The following DPYS variants were observed in gnomAD, a reference collection of about 807,000 sequenced individuals.
DPYS encodes dihydropyrimidinase.
Under a neutral mutation model 50.3 loss-of-function variants are expected in DPYS, and 39 were observed. The observed-to-expected ratio is 0.78, with a 90% CI of 0.60 to 1.01. The LOEUF (loss-of-function observed/expected upper bound fraction) is 1.01, where lower values mean the gene tolerates loss of function less well. Ranked by LOEUF, DPYS falls within the 50% of genes least tolerant of loss-of-function variation. The pLI is 0.00. For synonymous variants in DPYS, 245 were observed against 250.7 expected (o/e 0.98, Z 0.22); for missense variants, 659 against 680.9 (o/e 0.97, Z 0.36).
chr8:104,386,482 A>G (rs904972503), intron 8 of DPYS, among the ~76,000 whole-genome samples: 11 of 151,304 alleles, frequency 7.3e-5, no homozygotes, highest in African/African-American at 2.7e-4. Context: ...GCAGTGAGCC[A>G]AGATCATCCC....
At chr8:104,422,657 A>AT (rs1311328280) in intron 7 of DPYS, among the ~76,000 whole-genome samples, 1 of 152,112 alleles carries the variant, frequency 6.6e-6, no homozygotes, top group African/African-American at 2.4e-5. Flanking sequence ...CAAAAACACC[A>AT]TTTTTCAGAA....
chr8:104,402,207 G>A (rs1811839957), intron 7 of DPYS, among the ~76,000 whole-genome samples: 2 of 152,300 alleles, frequency 1.3e-5, no homozygotes, highest in African/African-American at 4.8e-5. Flanking sequence ...GCCTCACACA[G>A]TACTGAGCAA....
chr8:104,443,950 C>T (rs1359798074), intron 4 of DPYS, among the ~76,000 whole-genome samples: 1 of 152,062 alleles, frequency 6.6e-6, no homozygotes, highest in African/African-American at 2.4e-5. Context: ...TTAAAAGTGG[C>T]TGCTAGTGGC....
At chr8:104,410,926 C>G (rs1812152492) in intron 7 of DPYS, among the ~76,000 whole-genome samples, 2 of 152,104 alleles carry the variant, frequency 1.3e-5, no homozygotes, top group Admixed American at 6.5e-5. Flanking sequence ...AGAGCCACCT[C>G]CAAGGATTCG....
intron 5 of DPYS, 35 bp from the exon 6 acceptor site, chr8:104,428,156 G>T (rs748143439): frequency 6.2e-7 from 1 of 1,613,682 alleles, no homozygotes; most frequent in Non-Finnish European, 8.5e-7. Context: ...GATGGGGTGA[G>T]TATACAGAAT....
intron 2 of DPYS, among the ~76,000 whole-genome samples, chr8:104,449,146 A>C (rs911902513): frequency 6.6e-6 from 1 of 152,222 alleles, no homozygotes; most frequent in African/African-American, 2.4e-5. Context: ...ACAGCAAGGG[A>C]CAGAACATGG....
At chr8:104,455,951 T>C (rs903147656) in intron 1 of DPYS, among the ~76,000 whole-genome samples, 4 of 152,216 alleles carry the variant, frequency 2.6e-5, no homozygotes, top group African/African-American at 7.2e-5. Flanking sequence ...GGCATATATA[T>C]GTACAGCCAT....
At chr8:104,412,734 A>G (rs2251371) in intron 7 of DPYS, among the ~76,000 whole-genome samples, 74,416 of 152,026 alleles carry the variant, frequency 0.49, 18,833 homozygotes, top group Middle Eastern at 0.56. Context: ...AGTGAGAGCT[A>G]GTACCTGGAC....
At chr8:104,424,965 G>T (rs535299144) in intron 6 of DPYS, among the ~76,000 whole-genome samples, 110 of 151,690 alleles carry the variant, frequency 7.3e-4, no homozygotes, top group African/African-American at 2.6e-3. Context: ...TAAGTAACTG[G>T]GATTACAGGC....
chr8:104,394,907 A>G (rs898023889), intron 7 of DPYS, among the ~76,000 whole-genome samples: 3 of 150,916 alleles, frequency 2.0e-5, no homozygotes, highest in African/African-American at 7.3e-5. Flanking sequence ...TCCACATTTT[A>G]TAGGAAAAAT....
At chr8:104,449,134 C>G (rs987511165) in intron 2 of DPYS, among the ~76,000 whole-genome samples, 1 of 152,118 alleles carries the variant, frequency 6.6e-6, no homozygotes, top group Non-Finnish European at 1.5e-5. Context: ...GGTTAAGTGA[C>G]AACAGCAAGG....
chr8:104,465,287 G>A (rs1308766590), intron 1 of DPYS, among the ~76,000 whole-genome samples: 3 of 151,874 alleles, frequency 2.0e-5, no homozygotes, highest in African/African-American at 7.3e-5. Context: ...GGGGGTAGTG[G>A]GGGGAGAAAG....
chr8:104,396,014 A>T (rs1811573077), intron 7 of DPYS, among the ~76,000 whole-genome samples: 1 of 152,220 alleles, frequency 6.6e-6, no homozygotes, highest in Non-Finnish European at 1.5e-5. Context: ...TCACTGAAAC[A>T]AGAAAATTAT....
chr8:104,385,595 G>A (rs1445039110), intron 8 of DPYS, among the ~76,000 whole-genome samples: 2 of 152,174 alleles, frequency 1.3e-5, no homozygotes, highest in African/African-American at 2.4e-5. Context: ...AGAGGCTGTT[G>A]CTGTGGTTTG....
At chr8:104,447,582 A>C (rs1364971826) in intron 2 of DPYS, 79 bp from the exon 3 acceptor site, 1 of 1,529,572 alleles carries the variant, frequency 6.5e-7, no homozygotes, top group Non-Finnish European at 9.0e-7. Flanking sequence ...AAAACGTTGC[A>C]TTCGGAAGAG....
At chr8:104,440,031 A>G (rs1459848579) in intron 4 of DPYS, among the ~76,000 whole-genome samples, 1 of 152,208 alleles carries the variant, frequency 6.6e-6, no homozygotes, top group Non-Finnish European at 1.5e-5. Context: ...ATTGAGCATG[A>G]AGCATTATTA....
chr8:104,428,291 A>T (rs1023083486), intron 5 of DPYS, among the ~76,000 whole-genome samples, 170 bp from the exon 6 acceptor site: 2 of 152,224 alleles, frequency 1.3e-5, no homozygotes, highest in African/African-American at 2.4e-5. Context: ...TCCTGTCTCT[A>T]TTCTAGGAAG....
At chr8:104,399,885 A>AAAAAAG (rs1564084266) in intron 7 of DPYS, among the ~76,000 whole-genome samples, 1 of 151,186 alleles carries the variant, frequency 6.6e-6, no homozygotes, top group Non-Finnish European at 1.5e-5. Context: ...AAAAAAAAAA[A>AAAAAAG]AAAAAGAAAG....
chr8:104,404,329 A>T (rs765453366), intron 7 of DPYS, among the ~76,000 whole-genome samples: 10 of 152,190 alleles, frequency 6.6e-5, no homozygotes, highest in African/African-American at 2.2e-4. Flanking sequence ...TCAGTCAGTA[A>T]CCATGCAATG....
Sources: allele counts gnomAD v4.1 joint callset (sites outside exome capture counted in the v4.1 genomes callset), GRCh38; gene constraint gnomAD v4.1.1; transcripts MANE v1.5; gene names NCBI Gene and HGNC (gene_info 2026-07-23, HGNC 2026-07-21).